The following LTV1 variants were observed in gnomAD, a reference collection of about 807,000 sequenced individuals.
LTV1 encodes the protein LTV1 ribosome biogenesis factor.
A neutral mutation model predicts 59.9 loss-of-function variants in LTV1; 39 were observed. The ratio of observed to expected loss-of-function variants is 0.65; its 90% CI spans 0.50 to 0.85. LTV1 has a LOEUF of 0.85. Ranked by LOEUF, LTV1 falls within the 40% of genes least tolerant of loss-of-function variation. The probability of loss-of-function intolerance (pLI) is 0.00; values close to 1 mark genes in which losing one functional copy is unlikely to be tolerated. For synonymous variants in LTV1, 171 were observed against 189.5 expected (o/e 0.90, Z 0.80); for missense variants, 493 against 549.1 (o/e 0.90, Z 1.02).
intron 4 of LTV1, among the ~76,000 whole-genome samples, chr6:143,856,174 T>A (rs550610992): frequency 6.6e-6 from 1 of 152,372 alleles, no homozygotes; most frequent in East Asian, 1.9e-4. Flanking sequence ...ACGCTTTATT[T>A]CATTAAGTTG....
chr6:143,848,429 C>G (rs1776929012), intron 3 of LTV1, among the ~76,000 whole-genome samples: 1 of 152,162 alleles, frequency 6.6e-6, no homozygotes. Flanking sequence ...CTGAGAAACT[C>G]ATTTTGGAAG....
intron 3 of LTV1, among the ~76,000 whole-genome samples, chr6:143,849,144 A>C (rs539059429): frequency 2.6e-5 from 4 of 152,360 alleles, no homozygotes; most frequent in African/African-American, 9.6e-5. Flanking sequence ...TAGTAGATAT[A>C]GACTAGCTAT....
At chr6:143,846,400 C>T (rs953688150) in intron 3 of LTV1, among the ~76,000 whole-genome samples, 176 bp downstream of exon 3, 7 of 152,282 alleles carry the variant, frequency 4.6e-5, no homozygotes, top group East Asian at 1.9e-4. Context: ...GAATAGGTCA[C>T]GTCTTCTCTG....
rs1777143419 is a variant in LTV1 at position 143,860,450 on chromosome 6, G to A, written c.820G>A (p.Glu274Lys). 6.2e-7 allele frequency: 1 copy of A among 1,613,210 alleles called. No individual in the cohort carries two copies. The highest frequency in any genetic ancestry group is 1.3e-5 in the African/African-American group (1 of 75,004). The change falls in exon 7 of 11, where the codon GAA becomes AAA. Residue 274 changes from glutamate to lysine, a missense_variant. Physicochemically the swap from Glu to Lys is moderately conservative, Grantham distance 56. Coordinates refer to ENST00000367576, the MANE Select transcript of LTV1 (RefSeq NM_032860.5). ...GTTTTATGAGCAATATGATGATGAT[G>A]AAATTGGAGCTCTGGATAATGCAGA... The part of the protein sequence containing the change: ...EKFYEQYDDD[E>K]IGALDNAELE...
chr6:143,863,114 C>T lies in LTV1; in HGVS notation c.1145C>T (p.Thr382Ile). ...KPKQIRISSK[T>I]GIPLNVLPKK... ...AAACAAATTCGAATATCTTCTAAAA[C>T]AGGAATACCTCTCAATGTCTTACCA... Residue 382 changes from threonine (T) to isoleucine (I), a missense_variant, in exon 10 of 11, where the codon ACA (threonine) becomes ATA (isoleucine). By Grantham distance (89) the Thr-to-Ile change is moderately conservative (BLOSUM62 -1). Coordinates refer to ENST00000367576, the MANE Select transcript of LTV1 (RefSeq NM_032860.5). This position sits in a 1 kb window ranked among gnomAD's most constrained non-coding sequence, Gnocchi z 4.5. 6.2e-7 allele frequency: 1 copy of T among 1,613,828 alleles called. No homozygotes were observed. The highest frequency in any genetic ancestry group is 8.5e-7 in the Non-Finnish European group (1 of 1,179,848).
intron 7 of LTV1, among the ~76,000 whole-genome samples, chr6:143,861,305 G>T (rs982572148): frequency 1.3e-5 from 2 of 151,862 alleles, no homozygotes; most frequent in Non-Finnish European, 2.9e-5. Context: ...GGGCGTGGTG[G>T]TGTACACCTG....
rs767821186 is a variant in LTV1, at chr6:143,846,225, G to A, written c.309+1G>A. On this transcript the variant is annotated splice_donor_variant, in intron 3 of 10. Transcript: ENST00000367576. LOFTEE classifies it high-confidence loss of function. ...GAAAGAAGAAACGCTAGTAATTCCA[G>A]TAAGGCTTTTCAGCAATTTAATTGT... The A allele has an allele frequency of 3.7e-6, 6 of 1,607,240 alleles. No individual in the cohort carries two copies. The highest frequency in any genetic ancestry group is 1.3e-5 in the African/African-American group (1 of 74,520).
intron 2 of LTV1, among the ~76,000 whole-genome samples, chr6:143,844,989 G>A (rs1354330300): frequency 6.6e-6 from 1 of 152,072 alleles, no homozygotes; most frequent in African/African-American, 2.4e-5. Flanking sequence ...TAGAATAATG[G>A]TAAATATTTA....
chr6:143,857,554 CT>C lies in LTV1; in HGVS notation c.539+111del. 1 of 1,138,414 alleles carries C rather than the reference CT, an allele frequency of 8.8e-7. No individual in the cohort carries two copies. The highest frequency in any genetic ancestry group is 1.3e-6 in the Non-Finnish European group (1 of 781,494). The allele number at this position is 1,138,414 out of a possible 1,614,324, so 70.5% of individuals were successfully genotyped here. ...GAAGAGACCTTCAAGAGCATTTAATCTGAGACTTCTGTATTTTAGAGCAGAA... is the reference window on the plus strand; with the variant it reads ...GAAGAGACCTTCAAGAGCATTTAATCGAGACTTCTGTATTTTAGAGCAGAA... On this transcript the variant is annotated intron_variant, in intron 5 of 10. Coordinates refer to ENST00000367576, the MANE Select transcript of LTV1 (RefSeq NM_032860.5). The surrounding 1 kb of genome is among the most constrained non-coding windows in gnomAD (Gnocchi z 5.2).
chr6:143,848,223 C>T (rs896118055), intron 3 of LTV1, among the ~76,000 whole-genome samples: 1 of 152,122 alleles, frequency 6.6e-6, no homozygotes, highest in Non-Finnish European at 1.5e-5. Context: ...GGATAAATAT[C>T]ACAAAGGTAC....
intron 3 of LTV1, among the ~76,000 whole-genome samples, chr6:143,847,833 G>C (rs1042332920): frequency 2.0e-5 from 3 of 152,112 alleles, no homozygotes; most frequent in African/African-American, 4.8e-5. Flanking sequence ...GAAAAAATAT[G>C]GATTAGTCCC....
intron 4 of LTV1, among the ~76,000 whole-genome samples, chr6:143,853,199 A>G (rs1480571311): frequency 6.6e-6 from 1 of 152,084 alleles, no homozygotes; most frequent in Non-Finnish European, 1.5e-5. Flanking sequence ...TGTAAGTTGG[A>G]TTCCTAGGTA....
chr6:143,863,598 G>A lies in LTV1; in HGVS notation c.*71G>A, dbSNP rs1777213236. 1 of 995,650 alleles carries A rather than the reference G, an allele frequency of 1.0e-6. No individual in the cohort carries two copies. The highest frequency in any genetic ancestry group is 1.8e-5 in the South Asian group (1 of 54,860). The allele number at this position is 995,650 out of a possible 1,614,324, so 61.7% of individuals were successfully genotyped here. ...CTTTGGTTATTGACTAGAAACTTCA[G>A]AAAGACAAAACTGTTTGCCATTTTT... On this transcript the variant is annotated 3_prime_UTR_variant, in exon 11 of 11. Coordinates refer to ENST00000367576, the MANE Select transcript of LTV1 (RefSeq NM_032860.5). This position sits in a 1 kb window ranked among gnomAD's most constrained non-coding sequence, Gnocchi z 4.5.
At chr6:143,853,877 AT>A (rs1777030537) in intron 4 of LTV1, among the ~76,000 whole-genome samples, 1 of 152,206 alleles carries the variant, frequency 6.6e-6, no homozygotes, top group African/African-American at 2.4e-5. Context: ...CGATTTTCGC[AT>A]TGATGTTCAT....
At chr6:143,847,078 T>C (rs913338129) in intron 3 of LTV1, among the ~76,000 whole-genome samples, 1 of 152,202 alleles carries the variant, frequency 6.6e-6, no homozygotes, top group African/African-American at 2.4e-5. Flanking sequence ...CAGGATACCA[T>C]CCCAAAGAAA....
chr6:143,846,121 T>C lies in LTV1; in HGVS notation c.206T>C (p.Leu69Pro), dbSNP rs748465471. 6.2e-7 allele frequency: 1 copy of C among 1,614,224 alleles called. No individual in the cohort carries two copies. The highest frequency in any genetic ancestry group is 8.5e-7 in the Non-Finnish European group (1 of 1,180,016). Reference sequence around the variant, plus strand: ...TTCTTTGATGACGACTATGACTACCTGCAGCACCTGAAGGAACCATCTGGG... The same window carrying C: ...TTCTTTGATGACGACTATGACTACCCGCAGCACCTGAAGGAACCATCTGGG... ...GVFFDDDYDYLQHLKEPSGPS... is the reference protein window; with the variant it reads ...GVFFDDDYDYPQHLKEPSGPS... The change falls in exon 3 of 11, where the codon CTG becomes CCG. Residue 69 changes from leucine to proline, a missense_variant. Coordinates refer to ENST00000367576, the MANE Select transcript of LTV1 (RefSeq NM_032860.5).
intron 6 of LTV1, chr6:143,858,250 G>A: frequency 2.3e-6 from 1 of 435,422 alleles, no homozygotes. Flanking sequence ...AATTGGTTAG[G>A]AGGATGTGAC....
rs199589018 is a variant in LTV1 at position 143,857,869 on chromosome 6, C to T, written c.657C>T (p.Pro219=). 4.4e-5 allele frequency: 71 copies of T among 1,613,848 alleles called. No individual in the cohort carries two copies. Among genetic ancestry groups the T allele is most frequent in the Non-Finnish European group, 5.4e-5 (64 of 1,180,010 alleles). Residue 219 remains proline, a synonymous_variant, in exon 6 of 11, where the codon CCC becomes CCT. Coordinates refer to ENST00000367576, the MANE Select transcript of LTV1 (RefSeq NM_032860.5). This position sits in a 1 kb window ranked among gnomAD's most constrained non-coding sequence, Gnocchi z 5.2. ...LLSDEDCMSV[P]GKTHRAIADH... is the part of the protein sequence containing the mutation. ...CAGATGAAGACTGTATGTCTGTGCC[C>T]GGAAAAACTCACAGAGCTATAGCAG... is the stretch of plus-strand genomic sequence containing the variant.
In LTV1 at chr6:143,858,082, G is replaced by T. The variant is rs983130520; in HGVS notation, c.795+75G>T. 8 of 1,436,446 alleles carry T rather than the reference G, an allele frequency of 5.6e-6. No individual in the cohort carries two copies. The African/African-American group carries it at 1.1e-4, about 20-fold the overall frequency. 89.0% of individuals were successfully genotyped at this position (1,436,446 alleles called of 1,614,324 possible). On this transcript the variant is annotated intron_variant, in intron 6 of 10. Coordinates refer to ENST00000367576, the MANE Select transcript of LTV1 (RefSeq NM_032860.5). ...TTTTTTTTAATACCTGTCAGCTTTA[G>T]CCCAGGTTGAAGTGCTCACCAACCA...
Sources: gnomAD v4.1 joint callset for allele counts (sites outside exome capture counted in the v4.1 genomes callset) on GRCh38, gnomAD v4.1.1 for gene constraint, Gnocchi (gnomAD v3.1) non-coding constraint, MANE v1.5 for transcripts, NCBI Gene and HGNC (gene_info 2026-07-23, HGNC 2026-07-21) for gene names.